Variants in GPHN observed in about 807,000 individuals in gnomAD.
GPHN encodes gephyrin.
In GPHN, 17 loss-of-function variants were observed where a neutral mutation model predicts 95.5. The observed-to-expected ratio is 0.18, with a 90% CI of 0.12 to 0.27. The LOEUF (loss-of-function observed/expected upper bound fraction) is 0.27, where lower values mean the gene tolerates loss of function less well. GPHN is among the 10% of genes least tolerant of loss of function. The probability of loss-of-function intolerance (pLI) is 1.00; values close to 1 mark genes in which losing one functional copy is unlikely to be tolerated. For synonymous variants in GPHN, 320 were observed against 322.5 expected (o/e 0.99, Z 0.08); for missense variants, 660 against 978.1 (o/e 0.67, Z 4.34).
chr14:67,654,947 T>G, the GPHN span, among the ~76,000 whole-genome samples: 3 of 142,062 alleles, frequency 2.1e-5, no homozygotes, highest in Non-Finnish European at 4.5e-5. Flanking sequence ...GAGAATGGCA[T>G]GAACCTGGGA....
intron 1 of GPHN, among the ~76,000 whole-genome samples, chr14:66,616,995 C>T (rs1357434209): frequency 6.6e-6 from 1 of 152,174 alleles, no homozygotes; most frequent in African/African-American, 2.4e-5. Context: ...CGTGAGCCAC[C>T]ATCTGCGCCC....
intron 21 of GPHN, among the ~76,000 whole-genome samples, chr14:67,173,997 T>C (rs1041115589): frequency 2.0e-5 from 3 of 152,082 alleles, no homozygotes; most frequent in African/African-American, 7.2e-5. Flanking sequence ...AATTACCCAC[T>C]CTGAAGGGGA....
At chr14:67,466,598 A>G in the GPHN span, among the ~76,000 whole-genome samples, 2 of 152,234 alleles carry the variant, frequency 1.3e-5, no homozygotes, top group Non-Finnish European at 2.9e-5. Flanking sequence ...CCACTTGTCA[A>G]GAGTTTCTTA....
At chr14:66,509,758 A>G (rs2057963126) in intron 1 of GPHN, among the ~76,000 whole-genome samples, 1 of 152,096 alleles carries the variant, frequency 6.6e-6, no homozygotes, top group African/African-American at 2.4e-5. Context: ...TTCTTTTTTT[A>G]ATTTTTTCTT....
At chr14:67,530,135 C>T in the GPHN span, among the ~76,000 whole-genome samples, 2 of 152,274 alleles carry the variant, frequency 1.3e-5, no homozygotes, top group Admixed American at 6.5e-5. Flanking sequence ...ATCTTGTAAA[C>T]AGAGATTTAC....
the GPHN span, among the ~76,000 whole-genome samples, chr14:67,431,391 C>CAA: frequency 3.8e-3 from 293 of 77,432 alleles, 20 homozygotes; most frequent in African/African-American, 9.9e-3. Flanking sequence ...GACTCTGTCT[C>CAA]AAAAAAAAAA....
chr14:66,665,742 A>G (rs947474777), intron 1 of GPHN, among the ~76,000 whole-genome samples: 2 of 152,186 alleles, frequency 1.3e-5, no homozygotes, highest in African/African-American at 2.4e-5. Flanking sequence ...CAGCCATCCC[A>G]TTACTGGGTA....
Position 67,171,538 on chromosome 14 carries a change from A to G in GPHN, c.2079+2502A>G, listed in dbSNP as rs534540635. The stretch of plus-strand genomic sequence containing the variant: ...GTTCTCAGCTTTTTTCGCTAGAAAC[A>G]TACCTGGAGTAACTCCCATTAGTAT... On this transcript the variant is annotated intron_variant, in intron 21 of 22. Coordinates refer to ENST00000478722, the MANE Select transcript of GPHN (RefSeq NM_020806.5). Among the ~76,000 whole-genome samples the G allele has an allele frequency of 1.6e-4, 24 of 152,288 alleles. No individual in the cohort carries two copies. The South Asian group carries it at 5.0e-3, about 32-fold the overall frequency.
intron 9 of GPHN, among the ~76,000 whole-genome samples, chr14:66,991,165 A>C (rs923187119): frequency 1.3e-5 from 2 of 152,086 alleles, no homozygotes; most frequent in Non-Finnish European, 2.9e-5. Flanking sequence ...TAACTTAAAA[A>C]TGCATCATCT....
the GPHN span, among the ~76,000 whole-genome samples, chr14:67,235,909 T>G: frequency 6.6e-6 from 1 of 152,124 alleles, no homozygotes; most frequent in Non-Finnish European, 1.5e-5. Context: ...TTTATATCAC[T>G]CAGTCATTCA....
chr14:67,302,153 A>G, the GPHN span: 6 of 1,559,544 alleles, frequency 3.8e-6, no homozygotes, highest in Non-Finnish European at 5.2e-6. Context: ...AAACAAGTGC[A>G]TTTTTCTGCT....
At chr14:66,713,553 A>G (rs990437703) in intron 2 of GPHN, among the ~76,000 whole-genome samples, 2 of 152,088 alleles carry the variant, frequency 1.3e-5, no homozygotes, top group Non-Finnish European at 2.9e-5. Flanking sequence ...TATAGTTTCA[A>G]ATCAGGTAGT....
At chr14:67,303,072 C>T in the GPHN span, among the ~76,000 whole-genome samples, 5 of 152,302 alleles carry the variant, frequency 3.3e-5, no homozygotes, top group African/African-American at 9.6e-5. Context: ...GTTCCTTATT[C>T]GCACTAGCTG....
intron 4 of GPHN, among the ~76,000 whole-genome samples, chr14:66,841,201 T>C (rs752347802): frequency 6.6e-6 from 1 of 152,030 alleles, no homozygotes; most frequent in Non-Finnish European, 1.5e-5. Flanking sequence ...GTAAGCGCTA[T>C]GTTTAAAAAT....
At chr14:66,830,348 T>C (rs1243822164) in intron 4 of GPHN, among the ~76,000 whole-genome samples, 1 of 152,144 alleles carries the variant, frequency 6.6e-6, no homozygotes, top group Non-Finnish European at 1.5e-5. Context: ...ATAGACAATA[T>C]AGCCTAATAA....
the GPHN span, among the ~76,000 whole-genome samples, chr14:67,273,823 G>T: frequency 6.6e-6 from 1 of 152,208 alleles, no homozygotes; most frequent in Admixed American, 6.5e-5. Flanking sequence ...TCTAACTGGT[G>T]TGAGATGGTA....
the GPHN span, among the ~76,000 whole-genome samples, chr14:67,274,733 A>G: frequency 6.6e-6 from 1 of 152,112 alleles, no homozygotes; most frequent in East Asian, 1.9e-4. Flanking sequence ...TTTTCACGAT[A>G]TTGATTCTTC....
chr14:67,375,648 T>C, the GPHN span, among the ~76,000 whole-genome samples: 21 of 152,358 alleles, frequency 1.4e-4, no homozygotes, highest in Non-Finnish European at 2.6e-4. Context: ...GTTTTACTGA[T>C]GTATTTACAG....
intron 5 of GPHN, among the ~76,000 whole-genome samples, chr14:66,888,864 T>C (rs752259087): frequency 9.2e-5 from 14 of 151,934 alleles, no homozygotes; most frequent in Non-Finnish European, 1.6e-4. Flanking sequence ...AAGACATAAA[T>C]AAGTTGAAAG....
Sources: gnomAD v4.1 joint callset for allele counts (sites outside exome capture counted in the v4.1 genomes callset) on GRCh38, gnomAD v4.1.1 for gene constraint, MANE v1.5 for transcripts, NCBI Gene and HGNC (gene_info 2026-07-23, HGNC 2026-07-21) for gene names.